CNTN4: variants seen among roughly 807,000 people sequenced by gnomAD.
The protein encoded by CNTN4 is contactin-4.
A neutral mutation model predicts 122.5 loss-of-function variants in CNTN4; 77 were observed. The ratio of observed to expected loss-of-function variants is 0.63; its 90% CI spans 0.52 to 0.76. The LOEUF is 0.76. Ranked by LOEUF, CNTN4 falls within the 30% of genes least tolerant of loss-of-function variation. CNTN4 has a pLI of 0.00. For synonymous variants in CNTN4, 512 were observed against 447.0 expected (o/e 1.15, Z -1.83); for missense variants, 1,256 against 1,259.1 (o/e 1.00, Z 0.04).
At chr3:2,803,441 A>G (rs60126985) in intron 6 of CNTN4, among the ~76,000 whole-genome samples, 13,671 of 152,276 alleles carry the variant, frequency 0.09, 785 homozygotes, top group African/African-American at 0.15. Flanking sequence ...ACTCTTGAAA[A>G]TATGTGTAAG....
At chr3:2,689,916 A>AG (rs1402016290) in intron 4 of CNTN4, among the ~76,000 whole-genome samples, 9 of 152,210 alleles carry the variant, frequency 5.9e-5, no homozygotes, top group Admixed American at 5.2e-4. Flanking sequence ...CCTGTGAGGT[A>AG]GGGGCGTGTG....
At chr3:2,736,957 T>C (rs1027065885) in intron 5 of CNTN4, among the ~76,000 whole-genome samples, 1 of 151,960 alleles carries the variant, frequency 6.6e-6, no homozygotes, top group Admixed American at 6.6e-5. Context: ...CTAATCTTTG[T>C]ATTTTTAGCA....
intron 2 of CNTN4, among the ~76,000 whole-genome samples, chr3:2,169,119 G>A (rs1027550045): frequency 2.6e-5 from 4 of 152,026 alleles, no homozygotes; most frequent in African/African-American, 9.7e-5. Context: ...TTTTAGAAAG[G>A]CTGTACGAAG....
intron 2 of CNTN4, among the ~76,000 whole-genome samples, chr3:2,278,569 T>C (rs779025052): frequency 1.3e-5 from 2 of 152,220 alleles, no homozygotes; most frequent in Non-Finnish European, 2.9e-5. Context: ...GAAAGAGAAG[T>C]ATACAGTATG....
At chr3:2,567,081 A>ATTTT (rs373707875) in intron 3 of CNTN4, among the ~76,000 whole-genome samples, 16 of 103,352 alleles carry the variant, frequency 1.5e-4, no homozygotes, top group African/African-American at 3.8e-4. Flanking sequence ...CAAGTCCAGA[A>ATTTT]TTTTTTTTTT....
At chr3:2,816,332 C>T (rs972042709) in intron 6 of CNTN4, among the ~76,000 whole-genome samples, 11 of 148,312 alleles carry the variant, frequency 7.4e-5, no homozygotes, top group East Asian at 3.9e-4. Context: ...CCAGCCTGGG[C>T]GACAGAGCGA....
intron 2 of CNTN4, among the ~76,000 whole-genome samples, chr3:2,106,837 TCTGCTTCC>T (rs2032491249): frequency 6.6e-6 from 1 of 152,268 alleles, no homozygotes; most frequent in Non-Finnish European, 1.5e-5. Context: ...ACCTTTTTGC[TCTGCTTCC>T]CTTTTAAACA....
chr3:2,585,422 A>C (rs56380053), intron 4 of CNTN4, among the ~76,000 whole-genome samples: 23,186 of 151,978 alleles, frequency 0.15, 2,037 homozygotes, highest in Middle Eastern at 0.21. Context: ...CACAATAGCA[A>C]AGACTTGGAA....
At chr3:2,588,645 G>A (rs562856706) in intron 4 of CNTN4, among the ~76,000 whole-genome samples, 1 of 152,170 alleles carries the variant, frequency 6.6e-6, no homozygotes, top group East Asian at 1.9e-4. Flanking sequence ...GATTACAGGT[G>A]TGAGCCACCA....
At chr3:2,520,443 T>C (rs1479850104) in intron 3 of CNTN4, among the ~76,000 whole-genome samples, 1 of 151,836 alleles carries the variant, frequency 6.6e-6, no homozygotes, top group African/African-American at 2.4e-5. Flanking sequence ...CTGCTAATTG[T>C]TGTATTTTTA....
At chr3:2,954,487 G>GT (rs1039129142) in intron 13 of CNTN4, among the ~76,000 whole-genome samples, 14 of 150,338 alleles carry the variant, frequency 9.3e-5, no homozygotes, top group South Asian at 2.1e-4. Flanking sequence ...ATATTTATCA[G>GT]TTTTTTTTCT....
chr3:2,995,613 C>G (rs963023945), intron 14 of CNTN4, among the ~76,000 whole-genome samples: 1 of 152,164 alleles, frequency 6.6e-6, no homozygotes, highest in Non-Finnish European at 1.5e-5. Flanking sequence ...GCATAAAAGA[C>G]ACTCTGTGGG....
intron 8 of CNTN4, among the ~76,000 whole-genome samples, chr3:2,869,890 C>A (rs1412444844): frequency 1.3e-5 from 2 of 152,174 alleles, no homozygotes; most frequent in African/African-American, 4.8e-5. Context: ...TGCTATCTCT[C>A]CAGACTGACA....
intron 4 of CNTN4, among the ~76,000 whole-genome samples, chr3:2,650,439 T>C (rs1274855727): frequency 6.6e-6 from 1 of 152,184 alleles, no homozygotes; most frequent in Non-Finnish European, 1.5e-5. Context: ...AAGAGAATAT[T>C]ATGTAAACTT....
At chr3:2,462,257 A>G (rs1196706973) in intron 3 of CNTN4, among the ~76,000 whole-genome samples, 3 of 152,190 alleles carry the variant, frequency 2.0e-5, no homozygotes, top group Non-Finnish European at 2.9e-5. Context: ...GTCTTTTATC[A>G]TGACTGCAAT....
At chr3:2,602,537 G>A (rs2149756318) in intron 4 of CNTN4, among the ~76,000 whole-genome samples, 1 of 152,266 alleles carries the variant, frequency 6.6e-6, no homozygotes, top group Admixed American at 6.5e-5. Flanking sequence ...TACAAGGGAT[G>A]TGAAGGACCT....
intron 3 of CNTN4, among the ~76,000 whole-genome samples, chr3:2,527,070 C>T (rs553050736): frequency 1.2e-4 from 19 of 152,280 alleles, no homozygotes; most frequent in African/African-American, 3.8e-4. Flanking sequence ...CCTGTCCTGG[C>T]ATTCCTTAAG....
intron 2 of CNTN4, among the ~76,000 whole-genome samples, chr3:2,231,681 T>C (rs2039493996): frequency 6.6e-6 from 1 of 152,214 alleles, no homozygotes; most frequent in Non-Finnish European, 1.5e-5. Flanking sequence ...TAAAGTCAAA[T>C]AAAAGCACTT....
At chr3:2,381,880 G>T (rs1177859959) in intron 3 of CNTN4, among the ~76,000 whole-genome samples, 1 of 151,888 alleles carries the variant, frequency 6.6e-6, no homozygotes, top group Non-Finnish European at 1.5e-5. Flanking sequence ...TTCTATGAAG[G>T]TGCAAGGTTC....
Sources: allele counts gnomAD v4.1 joint callset (sites outside exome capture counted in the v4.1 genomes callset), GRCh38; gene constraint gnomAD v4.1.1; transcripts MANE v1.5; gene names NCBI Gene and HGNC (gene_info 2026-07-23, HGNC 2026-07-21).